CNTN4: variants seen among roughly 807,000 people sequenced by gnomAD.
CNTN4 encodes the protein contactin 4.
A neutral mutation model predicts 122.5 loss-of-function variants in CNTN4; 77 were observed. The observed-to-expected ratio is 0.63, with a 90% CI of 0.52 to 0.76. The LOEUF (loss-of-function observed/expected upper bound fraction) is 0.76, where lower values mean the gene tolerates loss of function less well. Ranked by LOEUF, CNTN4 falls within the 30% of genes least tolerant of loss-of-function variation. The pLI is 0.00. For synonymous variants in CNTN4, 512 were observed against 447.0 expected (o/e 1.15, Z -1.83); for missense variants, 1,256 against 1,259.1 (o/e 1.00, Z 0.04).
chr3:2,921,570 C>T (rs1297235491), intron 12 of CNTN4, among the ~76,000 whole-genome samples: 1 of 152,160 alleles, frequency 6.6e-6, no homozygotes, highest in Non-Finnish European at 1.5e-5. Flanking sequence ...AAGTAGACAA[C>T]GGTTAAAGTA....
chr3:2,134,810 C>G (rs977589947), intron 2 of CNTN4, among the ~76,000 whole-genome samples: 2 of 152,158 alleles, frequency 1.3e-5, no homozygotes. Flanking sequence ...TGGGAGTTTT[C>G]TCTTACTCAG....
chr3:2,735,466 G>C (rs964561768), intron 4 of CNTN4, among the ~76,000 whole-genome samples: 1 of 152,200 alleles, frequency 6.6e-6, no homozygotes, highest in Non-Finnish European at 1.5e-5. Flanking sequence ...AAAGCACTTA[G>C]AAATGCATGG....
rs1316134940 is a variant in CNTN4, at chr3:2,595,469, C to A, written c.55+23911C>A. ...GGGTCCTATAATCTTCCACATCCCA[C>A]CTAAAGGTGTGGCAGGACCTGGCTG... On this transcript the variant is annotated intron_variant, in intron 4 of 24. Coordinates refer to ENST00000418658, the MANE Select transcript of CNTN4 (RefSeq NM_175607.3). Among the ~76,000 whole-genome samples the A allele has an allele frequency of 3.3e-5, 5 of 152,214 alleles. No homozygotes were observed. In the East Asian group the frequency reaches 9.7e-4, roughly 29 times the overall value.
rs376973453 is a variant in CNTN4 at position 2,691,802 on chromosome 3, TAAAC to T, written c.56-44410_56-44407del. On this transcript the variant is annotated intron_variant, in intron 4 of 24. Transcript: ENST00000418658. ...GTGCTGCAAAAATGTGCAAGCAAAA[TAAAC>T]AATTATTAGAGCTTTTTTCTCCTGC... is the stretch of plus-strand genomic sequence containing the variant. Among the ~76,000 whole-genome samples the T allele has an allele frequency of 2.0e-3, 309 of 152,284 alleles. No homozygotes were observed. The Middle Eastern group carries it at 0.031, about 15-fold the overall frequency.
intron 3 of CNTN4, among the ~76,000 whole-genome samples, chr3:2,553,567 C>T (rs1162060467): frequency 2.0e-5 from 3 of 151,978 alleles, no homozygotes; most frequent in Admixed American, 6.6e-5. Flanking sequence ...CCTAAGGGAT[C>T]AAATGTCAAA....
intron 12 of CNTN4, among the ~76,000 whole-genome samples, chr3:2,909,572 G>A (rs1231920254): frequency 6.6e-6 from 1 of 152,056 alleles, no homozygotes; most frequent in East Asian, 1.9e-4. Flanking sequence ...TACCATACTC[G>A]TTATCAACTA....
intron 3 of CNTN4, among the ~76,000 whole-genome samples, chr3:2,558,301 T>C (rs2078805622): frequency 6.6e-6 from 1 of 152,210 alleles, no homozygotes; most frequent in Non-Finnish European, 1.5e-5. Context: ...AGTTTTTCCA[T>C]AATGTCCAGG....
Position 2,737,512 on chromosome 3 carries a change from T to G in CNTN4, c.182+1171T>G, listed in dbSNP as rs565603430. 7.9e-5 allele frequency among the ~76,000 whole-genome samples: 12 copies of G among 152,360 alleles called. 2 individuals are homozygous for G. Among genetic ancestry groups the G allele is most frequent in the South Asian group, 6.2e-4 (3 of 4,826 alleles). ...TTAAATATCCTGATTGACTTTCTCT[T>G]TGAAAACATTAACAATTCATAACCA... On this transcript the variant is annotated intron_variant, in intron 5 of 24. Transcript: ENST00000418658.
At chr3:2,641,272 C>T (rs147577445) in intron 4 of CNTN4, among the ~76,000 whole-genome samples, 1 of 151,900 alleles carries the variant, frequency 6.6e-6, no homozygotes, top group Non-Finnish European at 1.5e-5. Flanking sequence ...TTAAAAAAAA[C>T]TGTATTGAAT....
intron 5 of CNTN4, among the ~76,000 whole-genome samples, chr3:2,743,446 A>G (rs142027378): frequency 1.6e-3 from 241 of 152,270 alleles, no homozygotes; most frequent in Admixed American, 2.9e-3. Flanking sequence ...CTTATATACA[A>G]ACACATAAAG....
chr3:2,925,583 T>C (rs769674353), intron 12 of CNTN4, 46 bp from the exon 13 acceptor site: 3 of 1,580,736 alleles, frequency 1.9e-6, no homozygotes, highest in Non-Finnish European at 2.6e-6. Flanking sequence ...AATTATCTCA[T>C]GGAAGGCTGT....
intron 14 of CNTN4, among the ~76,000 whole-genome samples, chr3:2,996,275 A>C (rs548728393): frequency 6.6e-6 from 1 of 152,166 alleles, no homozygotes; most frequent in Non-Finnish European, 1.5e-5. Flanking sequence ...CATATTGGTA[A>C]ATTTTTGTTG....
At chr3:2,592,273 T>C (rs547311299) in intron 4 of CNTN4, among the ~76,000 whole-genome samples, 2 of 152,334 alleles carry the variant, frequency 1.3e-5, no homozygotes, top group East Asian at 3.9e-4. Flanking sequence ...AGAAAACATA[T>C]GAATATCTTC....
chr3:2,529,960 A>G (rs1342809155), intron 3 of CNTN4, among the ~76,000 whole-genome samples: 2 of 152,120 alleles, frequency 1.3e-5, no homozygotes, highest in Non-Finnish European at 2.9e-5. Flanking sequence ...TGCACTTGAT[A>G]TATTTTCATC....
intron 2 of CNTN4, among the ~76,000 whole-genome samples, chr3:2,197,559 C>A (rs574668436): frequency 6.6e-6 from 1 of 152,018 alleles, no homozygotes; most frequent in Non-Finnish European, 1.5e-5. Context: ...GACTCATAGG[C>A]TTTGTCAGTC....
intron 3 of CNTN4, among the ~76,000 whole-genome samples, chr3:2,443,233 A>G (rs2048503193): frequency 6.6e-6 from 1 of 152,006 alleles, no homozygotes; most frequent in African/African-American, 2.4e-5. Context: ...TGCAGGAAAA[A>G]GTTTTCTTTG....
chr3:2,368,136 C>T (rs1330544498), intron 3 of CNTN4, among the ~76,000 whole-genome samples: 2 of 150,082 alleles, frequency 1.3e-5, no homozygotes, highest in African/African-American at 4.9e-5. Context: ...GGGTTCATGC[C>T]ATTCTCCTGC....
At chr3:2,901,750 C>G (rs900092814) in intron 11 of CNTN4, among the ~76,000 whole-genome samples, 1 of 152,166 alleles carries the variant, frequency 6.6e-6, no homozygotes, top group Non-Finnish European at 1.5e-5. Context: ...GGAGATCAGT[C>G]TCAAATCCAT....
intron 2 of CNTN4, among the ~76,000 whole-genome samples, chr3:2,120,407 T>TATATATATAAA (rs1559261207): frequency 5.8e-4 from 19 of 32,724 alleles, no homozygotes; most frequent in Non-Finnish European, 5.4e-4. Context: ...ATATATATAT[T>TATATATATAAA]TTTTTTTTTT....
Sources: allele counts gnomAD v4.1 joint callset (sites outside exome capture counted in the v4.1 genomes callset), GRCh38; gene constraint gnomAD v4.1.1; transcripts MANE v1.5; gene names NCBI Gene and HGNC (gene_info 2026-07-23, HGNC 2026-07-21).